KHDRBS3: variants seen among roughly 807,000 people sequenced by gnomAD.
KHDRBS3 encodes the protein KH RNA binding domain containing, signal transduction associated 3.
Under a neutral mutation model 45.6 loss-of-function variants are expected in KHDRBS3, and 23 were observed. That is an observed-to-expected ratio of 0.50 (90% CI 0.36 to 0.72). The LOEUF is 0.72. Among genes scored for constraint, KHDRBS3 ranks in the 30% least tolerant of loss-of-function variants. The probability of loss-of-function intolerance (pLI) is 0.00; values close to 1 mark genes in which losing one functional copy is unlikely to be tolerated. For synonymous variants in KHDRBS3, 162 were observed against 156.5 expected (o/e 1.04, Z -0.26); for missense variants, 352 against 424.8 (o/e 0.83, Z 1.51).
At chr8:135,627,057 G>A (rs116209063) in intron 7 of KHDRBS3, among the ~76,000 whole-genome samples, 62 of 152,210 alleles carry the variant, frequency 4.1e-4, no homozygotes, top group African/African-American at 1.3e-3. Flanking sequence ...ATACTCACAC[G>A]CCTTATTTCC....
At chr8:135,470,142 A>G (rs1821938685) in intron 1 of KHDRBS3, among the ~76,000 whole-genome samples, 1 of 152,078 alleles carries the variant, frequency 6.6e-6, no homozygotes, top group South Asian at 2.1e-4. Context: ...TTTCTCTAGA[A>G]TCCAAAGGAG....
chr8:135,607,631 T>C (rs1285954937), intron 7 of KHDRBS3, among the ~76,000 whole-genome samples: 1 of 152,250 alleles, frequency 6.6e-6, no homozygotes, highest in Non-Finnish European at 1.5e-5. Flanking sequence ...TACATGAACT[T>C]AGTGTTTCTT....
intron 7 of KHDRBS3, among the ~76,000 whole-genome samples, chr8:135,636,480 A>G (rs773498286): frequency 2.6e-5 from 4 of 152,178 alleles, no homozygotes; most frequent in Non-Finnish European, 5.9e-5. Flanking sequence ...AAAGACACAT[A>G]ACATCTTAGT....
At chr8:135,603,453 T>C (rs1318156384) in intron 6 of KHDRBS3, among the ~76,000 whole-genome samples, 1 of 152,226 alleles carries the variant, frequency 6.6e-6, no homozygotes, top group African/African-American at 2.4e-5. Flanking sequence ...TCTCCCTTGA[T>C]TGACTATTGG....
At chr8:135,560,904 T>C (rs1172433367) in intron 5 of KHDRBS3, among the ~76,000 whole-genome samples, 1 of 152,210 alleles carries the variant, frequency 6.6e-6, no homozygotes, top group Non-Finnish European at 1.5e-5. Context: ...GCAGCTCATA[T>C]GCTAGGCACC....
At chr8:135,624,512 C>G (rs955137142) in intron 7 of KHDRBS3, among the ~76,000 whole-genome samples, 3 of 152,168 alleles carry the variant, frequency 2.0e-5, no homozygotes, top group Non-Finnish European at 2.9e-5. Flanking sequence ...TCAAACATCT[C>G]AAGACTAAAA....
In KHDRBS3 at chr8:135,556,956, C is replaced by CCTGT. The variant is rs1192736513; in HGVS notation, c.472-491_472-488dup. Among the ~76,000 whole-genome samples the CCTGT allele has an allele frequency of 2.6e-5, 4 of 152,124 alleles. No individual in the cohort carries two copies. In the East Asian group the frequency reaches 5.8e-4, roughly 22 times the overall value. On this transcript the variant is annotated intron_variant, in intron 4 of 8. Transcript: ENST00000355849. Reference sequence around the variant, plus strand: ...TTTTCTACTGGAAATGTACAAAAAGCCTGTGTCCCTGTGGTTCTTAACTAC... The same window carrying CCTGT: ...TTTTCTACTGGAAATGTACAAAAAGCCTGTCTGTGTCCCTGTGGTTCTTAACTAC...
At chr8:135,614,684 A>G (rs13262881) in intron 7 of KHDRBS3, among the ~76,000 whole-genome samples, 59,907 of 151,340 alleles carry the variant, frequency 0.4, 13,086 homozygotes, top group South Asian at 0.53. Context: ...TAAATACTTA[A>G]TTCCCAAGAC....
chr8:135,484,554 A>G (rs777188488), intron 1 of KHDRBS3, among the ~76,000 whole-genome samples: 5 of 152,150 alleles, frequency 3.3e-5, no homozygotes, highest in African/African-American at 4.8e-5. Context: ...CTAAAACTTC[A>G]CCTTTGGACA....
At chr8:135,648,805 G>A (rs980834197), downstream of KHDRBS3, among the ~76,000 whole-genome samples, 6 of 152,206 alleles carry the variant, frequency 3.9e-5, no homozygotes, top group African/African-American at 1.4e-4. Context: ...AAGCGGCAGA[G>A]ATTGGAGGCT....
At chr8:135,650,096 C>T (rs1395301636), downstream of KHDRBS3, among the ~76,000 whole-genome samples, 1 of 152,058 alleles carries the variant, frequency 6.6e-6, no homozygotes. Context: ...CCTTGGAATT[C>T]ATTTATTTTC....
intron 2 of KHDRBS3, among the ~76,000 whole-genome samples, chr8:135,527,186 T>C (rs970435193): frequency 2.0e-5 from 3 of 152,126 alleles, no homozygotes; most frequent in Admixed American, 2.0e-4. Flanking sequence ...AAAATCGAAG[T>C]GGTTAAGTCA....
In KHDRBS3 at chr8:135,517,788, A is replaced by G. The variant is rs545806124; in HGVS notation, c.89-3449A>G. 1.5e-3 allele frequency among the ~76,000 whole-genome samples: 234 copies of G among 152,294 alleles called. No homozygotes were observed. In the Middle Eastern group the frequency reaches 0.017, roughly 11 times the overall value. ...CTTTAGGCTTGTTAAATGCAAACCT[A>G]TATGCTTCTGATATGGCATCAGGCT... On this transcript the variant is annotated intron_variant, in intron 1 of 8. Coordinates refer to ENST00000355849, the MANE Select transcript of KHDRBS3 (RefSeq NM_006558.3).
At chr8:135,531,062 C>T (rs1825449991) in intron 2 of KHDRBS3, among the ~76,000 whole-genome samples, 1 of 152,182 alleles carries the variant, frequency 6.6e-6, no homozygotes, top group African/African-American at 2.4e-5. Flanking sequence ...GCTTGTCCTC[C>T]ACACACTTCC....
downstream of KHDRBS3, among the ~76,000 whole-genome samples, chr8:135,650,561 T>A (rs551132244): frequency 6.6e-6 from 1 of 152,358 alleles, no homozygotes; most frequent in South Asian, 2.1e-4. Flanking sequence ...GAGGTGAATT[T>A]CACACTTATG....
chr8:135,626,872 T>C (rs1253205217), intron 7 of KHDRBS3, among the ~76,000 whole-genome samples: 1 of 142,564 alleles, frequency 7.0e-6, no homozygotes, highest in Non-Finnish European at 1.6e-5. Context: ...AACATTATTC[T>C]CCTTGTCTCC....
At chr8:135,653,132 C>T (rs1030893887) in intron 4 of KHDRBS3, among the ~76,000 whole-genome samples, 1 of 152,162 alleles carries the variant, frequency 6.6e-6, no homozygotes, top group African/African-American at 2.4e-5. Flanking sequence ...ATAGAATAAA[C>T]AAACAGGTAC....
At chr8:135,462,416 C>A (rs1821477234) in intron 1 of KHDRBS3, among the ~76,000 whole-genome samples, 1 of 151,762 alleles carries the variant, frequency 6.6e-6, no homozygotes, top group African/African-American at 2.4e-5. Flanking sequence ...GTGTTGGGTC[C>A]CAGGGGTAGG....
chr8:135,569,441 G>C (rs143058925), intron 5 of KHDRBS3, among the ~76,000 whole-genome samples: 1 of 152,124 alleles, frequency 6.6e-6, no homozygotes, highest in African/African-American at 2.4e-5. Context: ...TTTAGGTAAC[G>C]ACCAGGTAAG....
Sources: allele counts gnomAD v4.1 joint callset (sites outside exome capture counted in the v4.1 genomes callset), GRCh38; gene constraint gnomAD v4.1.1; transcripts MANE v1.5; gene names NCBI Gene and HGNC (gene_info 2026-07-23, HGNC 2026-07-21).